NF1: variants seen among roughly 807,000 people sequenced by gnomAD.
The protein encoded by NF1 is neurofibromin.
NF1 carries 122 observed loss-of-function variants against 325.7 expected under a neutral mutation model. That is an observed-to-expected ratio of 0.37 (90% CI 0.32 to 0.44). The LOEUF (loss-of-function observed/expected upper bound fraction) is 0.44. Ranked by LOEUF, NF1 falls within the 20% of genes least tolerant of loss-of-function variation. NF1 has a pLI of 1.00. For synonymous variants in NF1, 1,091 were observed against 1,186.0 expected, an observed-to-expected ratio of 0.92 and a Z score of 1.65; for missense variants, 2,140 against 3,415.4, an observed-to-expected ratio of 0.63 and a Z score of 9.31.
At chr17:31,138,196 T>A (rs1216500116) in intron 1 of NF1, 1 of 152,134 alleles carries the variant, frequency 6.6e-6, no homozygotes. Flanking sequence ...TCTTTCATGG[T>A]CTTTCTTTTG....
rs761310485 is a variant in NF1, at chr17:31,318,581, G to A, written c.4836-7239G>A. On this transcript the variant is annotated intron_variant, in intron 36 of 57. Coordinates refer to ENST00000358273, the MANE Select transcript of NF1 (RefSeq NM_001042492.3). ...AATAGAAAGGTACAGATAAGAAAAAGCACTGCAATTATAATTAAGCAAATT... is the reference window on the plus strand; with the variant it reads ...AATAGAAAGGTACAGATAAGAAAAAACACTGCAATTATAATTAAGCAAATT... 10 of 1,613,982 alleles carry A rather than the reference G, an allele frequency of 6.2e-6. No homozygotes were observed. In the Admixed American group the frequency reaches 8.3e-5, roughly 13 times the overall value.
intron 46 of NF1, 175 bp from the exon 47 acceptor site, chr17:31,340,329 TG>T: frequency 1.4e-6 from 1 of 705,548 alleles, no homozygotes; most frequent in Non-Finnish European, 2.4e-6. Flanking sequence ...CAGCTAACAG[TG>T]TCTTTAGTTA....
At chr17:31,352,464 A>C in intron 51 of NF1, 50 bp downstream of exon 51, 1 of 1,436,530 alleles carries the variant, frequency 7.0e-7, no homozygotes, top group Non-Finnish European at 9.3e-7. Flanking sequence ...AAAAAAATAG[A>C]TATTTTTACT....
chr17:31,137,024 ACTAT>A (rs1357977131), intron 1 of NF1: 1 of 152,154 alleles, frequency 6.6e-6, no homozygotes, highest in Non-Finnish European at 1.5e-5. Context: ...ATACTATTTC[ACTAT>A]CTGTCTGCTA....
chr17:31,358,180 C>T (rs1168036096), intron 54 of NF1: 1 of 435,972 alleles, frequency 2.3e-6, no homozygotes, highest in Non-Finnish European at 4.2e-6. Context: ...ACAGAGCCAA[C>T]CTTGTCTTAA....
At chr17:31,162,924 G>A (rs2065787216) in intron 3 of NF1, among the ~76,000 whole-genome samples, 1 of 152,178 alleles carries the variant, frequency 6.6e-6, no homozygotes, top group Non-Finnish European at 1.5e-5. Context: ...GAGCAAGCAG[G>A]AATGGGAGGA....
intron 53 of NF1, 83 bp downstream of exon 53, chr17:31,357,173 A>G: frequency 6.3e-7 from 1 of 1,595,066 alleles, no homozygotes; most frequent in Middle Eastern, 1.7e-4. Context: ...TATTAAAAAC[A>G]TGAATAGGAT....
chr17:31,317,862 G>A (rs1388805774), intron 36 of NF1: 1 of 159,912 alleles, frequency 6.3e-6, no homozygotes, highest in Non-Finnish European at 1.4e-5. Context: ...ACACAGTTTA[G>A]CTCTCTCTAT....
At chr17:31,154,732 C>CTTTTTTTTT (rs71142026) in intron 1 of NF1, among the ~76,000 whole-genome samples, 7 of 103,394 alleles carry the variant, frequency 6.8e-5, no homozygotes, top group African/African-American at 1.5e-4. Flanking sequence ...TTAGTATTTC[C>CTTTTTTTTT]TTTTTTTTTT....
chr17:31,193,382 G>A (rs899622083), intron 8 of NF1, among the ~76,000 whole-genome samples: 1 of 152,118 alleles, frequency 6.6e-6, no homozygotes, highest in African/African-American at 2.4e-5. Flanking sequence ...ATGTTGCCCA[G>A]GCTGGTCTCA....
chr17:31,171,839 G>A (rs2065932564), intron 5 of NF1, among the ~76,000 whole-genome samples: 2 of 152,124 alleles, frequency 1.3e-5, no homozygotes, highest in African/African-American at 4.8e-5. Flanking sequence ...CATGCTAAGT[G>A]CTGGGATTAC....
chr17:31,357,938 C>CT, intron 54 of NF1: 1 of 164,352 alleles, frequency 6.1e-6, no homozygotes, highest in Non-Finnish European at 1.3e-5. Context: ...TGGAGTGTAG[C>CT]CGGGTTAGAA....
rs2069661003 is a variant in NF1 at position 31,336,091 on chromosome 17, T to C, written c.6007-242T>C. 6.6e-6 allele frequency among the ~76,000 whole-genome samples: 1 copy of C among 152,118 alleles called. No individual in the cohort carries two copies. Among genetic ancestry groups the C allele is most frequent in the African/African-American group, 2.4e-5 (1 of 41,430 alleles). ...GACTGAAGATAGTATTGATAGAGAT[T>C]TAAAATTTTTGAATACCAATCTCTT... On this transcript the variant is annotated intron_variant, in intron 40 of 57. Transcript: ENST00000358273. The surrounding 1 kb of genome is among the most constrained non-coding windows in gnomAD (Gnocchi z 5.5).
At position 31,096,138 on chromosome 17, in the gene NF1, C is replaced by A. The variant is rs146629985; in HGVS notation, c.60+769C>A. On this transcript the variant is annotated intron_variant, in intron 1 of 57. Transcript: ENST00000358273. ...TTGATAATTGCAGTCTCTTCCCCCC[C>A]CCCTTTTTTTTTTGCCAGCGGTCTG... 9.2e-3 allele frequency among the ~76,000 whole-genome samples: 1,394 copies of A among 151,352 alleles called. 22 individuals are homozygous for A. The highest frequency in any genetic ancestry group is 0.032 in the African/African-American group (1,309 of 41,088).
intron 36 of NF1, among the ~76,000 whole-genome samples, chr17:31,319,463 G>T (rs1851475774): frequency 6.6e-6 from 1 of 151,980 alleles, no homozygotes; most frequent in Admixed American, 6.6e-5. Context: ...GTGGCCTTGA[G>T]CTTCTTGCTT....
At chr17:31,276,091 C>T (rs1408663168) in intron 36 of NF1, among the ~76,000 whole-genome samples, 1 of 151,690 alleles carries the variant, frequency 6.6e-6, no homozygotes, top group African/African-American at 2.4e-5. Flanking sequence ...CGCCTGTAGT[C>T]CCAGCTACTT....
chr17:31,340,396 A>C, intron 46 of NF1, 109 bp from the exon 47 acceptor site: 1 of 1,394,784 alleles, frequency 7.2e-7, no homozygotes. Flanking sequence ...AAAAGAGAAA[A>C]CATGGGTAAT....
At chr17:31,133,031 A>G (rs1915506241) in intron 1 of NF1, among the ~76,000 whole-genome samples, 2 of 152,132 alleles carry the variant, frequency 1.3e-5, no homozygotes, top group South Asian at 2.1e-4. Flanking sequence ...AACTGTTCCT[A>G]AGTGTATAGT....
At chr17:31,265,759 C>G (rs1334983393) in intron 36 of NF1, among the ~76,000 whole-genome samples, 1 of 152,038 alleles carries the variant, frequency 6.6e-6, no homozygotes, top group Non-Finnish European at 1.5e-5. Flanking sequence ...AAGACAGCAT[C>G]AGGATGATTT....
Sources: gnomAD v4.1 joint callset for allele counts (sites outside exome capture counted in the v4.1 genomes callset) on GRCh38, gnomAD v4.1.1 for gene constraint, Gnocchi (gnomAD v3.1) non-coding constraint, MANE v1.5 for transcripts, NCBI Gene and HGNC (gene_info 2026-07-23, HGNC 2026-07-21) for gene names.